GSE1: variants seen among roughly 807,000 people sequenced by gnomAD.
The protein encoded by GSE1 is genetic suppressor element 1.
GSE1 carries 32 observed loss-of-function variants against 112.6 expected under a neutral mutation model. The observed-to-expected ratio is 0.28, with a 90% CI of 0.21 to 0.38. The LOEUF (loss-of-function observed/expected upper bound fraction) is 0.38. GSE1 is among the 10% of genes least tolerant of loss of function. GSE1 has a pLI of 1.00. For missense variants in GSE1, 2,348 were observed against 1,699.2 expected, an observed-to-expected ratio of 1.38 and a Z score of -6.71; for synonymous variants, 1,115 against 735.6, an observed-to-expected ratio of 1.52 and a Z score of -8.35.
At chr16:85,562,790 C>T (rs2045581591) in intron 1 of GSE1, among the ~76,000 whole-genome samples, 2 of 152,226 alleles carry the variant, frequency 1.3e-5, no homozygotes, top group African/African-American at 4.8e-5. Flanking sequence ...CCTGGTCTAC[C>T]CTGGCATTGT....
chr16:85,363,213 C>T (rs1243618642), intron 2 of GSE1, among the ~76,000 whole-genome samples: 2 of 152,206 alleles, frequency 1.3e-5, no homozygotes, highest in Non-Finnish European at 2.9e-5. Context: ...GAAAACCAGG[C>T]CAAGATTGAC....
Position 85,536,888 on chromosome 16 carries a change from A to G in GSE1, c.2465-97026A>G, listed in dbSNP as rs940308797. ...CAGGGGAAGTCTGTAGAAACTCAGG[A>G]CCTGGAATGGAACCGGCGAGGAATG... On this transcript the variant is annotated intron_variant, in intron 2 of 2. Transcript: ENST00000637419. 6.6e-5 allele frequency among the ~76,000 whole-genome samples: 10 copies of G among 152,304 alleles called. 1 individual carries two copies. The highest frequency in any genetic ancestry group is 1.3e-4 in the Admixed American group (2 of 15,306).
At chr16:85,266,273 A>T (rs1908235595) in intron 1 of GSE1, among the ~76,000 whole-genome samples, 1 of 152,112 alleles carries the variant, frequency 6.6e-6, no homozygotes, top group South Asian at 2.1e-4. Flanking sequence ...TCTCTAGGAA[A>T]ACTCTAGCAA....
At chr16:85,459,846 C>T (rs942198068) in intron 2 of GSE1, among the ~76,000 whole-genome samples, 5 of 152,228 alleles carry the variant, frequency 3.3e-5, no homozygotes, top group African/African-American at 9.6e-5. Context: ...TTCACCCCTC[C>T]TTCACAGAGG....
Position 85,627,413 on chromosome 16 carries a change from G to A in GSE1, c.8-6501G>A, listed in dbSNP as rs556680564. ...CAGTTGAGGCTCACATGAAGAAGGG[G>A]TATGTCCCCTGGCCCCTCAGTTTGA... On this transcript the variant is annotated intron_variant, in intron 1 of 15. Transcript: ENST00000253458. Among the ~76,000 whole-genome samples the A allele has an allele frequency of 4.6e-5, 7 of 152,150 alleles. No individual in the cohort carries two copies. The South Asian group carries it at 1.2e-3, about 27-fold the overall frequency.
intron 1 of GSE1, among the ~76,000 whole-genome samples, chr16:85,614,052 T>TCG (rs2048196218): frequency 1.4e-5 from 2 of 140,120 alleles, no homozygotes; most frequent in Non-Finnish European, 3.1e-5. Context: ...CTCCTCTCTC[T>TCG]CCCCCCACCC....
At chr16:85,533,125 CTGTT>C (rs2044190121) in intron 2 of GSE1, among the ~76,000 whole-genome samples, 1 of 152,120 alleles carries the variant, frequency 6.6e-6, no homozygotes, top group African/African-American at 2.4e-5. Context: ...AGAAATTTCT[CTGTT>C]TGGCCGGGCG....
intron 1 of GSE1, among the ~76,000 whole-genome samples, chr16:85,191,639 T>C (rs1389476756): frequency 6.6e-6 from 1 of 152,202 alleles, no homozygotes; most frequent in Non-Finnish European, 1.5e-5. Flanking sequence ...CTGTGCCTCT[T>C]CTGCTCACTT....
At chr16:85,367,552 G>T (rs2047209961) in intron 2 of GSE1, among the ~76,000 whole-genome samples, 1 of 152,240 alleles carries the variant, frequency 6.6e-6, no homozygotes, top group Admixed American at 6.5e-5. Flanking sequence ...AGACCTGAGG[G>T]CGTGGCTTTA....
intron 2 of GSE1, among the ~76,000 whole-genome samples, chr16:85,533,463 T>C (rs1285173060): frequency 1.3e-5 from 2 of 152,080 alleles, no homozygotes; most frequent in Non-Finnish European, 1.5e-5. Context: ...TCTGTTTGCA[T>C]ATGTGTTATA....
chr16:85,391,085 C>T (rs908650743), intron 2 of GSE1, among the ~76,000 whole-genome samples: 2 of 151,016 alleles, frequency 1.3e-5, no homozygotes, highest in African/African-American at 4.9e-5. Context: ...CTCCCAGGCA[C>T]CGCCCCCCCA....
At chr16:85,308,737 C>T (rs910659636) in intron 1 of GSE1, among the ~76,000 whole-genome samples, 1 of 151,832 alleles carries the variant, frequency 6.6e-6, no homozygotes, top group African/African-American at 2.4e-5. Flanking sequence ...TGCAAGACAG[C>T]TGTTTCCTTC....
At chr16:85,603,893 A>C (rs974345367) in intron 1 of GSE1, among the ~76,000 whole-genome samples, 1 of 152,222 alleles carries the variant, frequency 6.6e-6, no homozygotes, top group Admixed American at 6.5e-5. Flanking sequence ...CATTTAGTAC[A>C]TTCCTAATAT....
At chr16:85,470,444 G>T (rs189604209) in intron 2 of GSE1, among the ~76,000 whole-genome samples, 1 of 152,278 alleles carries the variant, frequency 6.6e-6, no homozygotes, top group East Asian at 1.9e-4. Flanking sequence ...TCTCTTTCCC[G>T]AGTGACATGG....
chr16:85,194,790 C>T (rs949264888), intron 1 of GSE1, among the ~76,000 whole-genome samples: 3 of 152,076 alleles, frequency 2.0e-5, no homozygotes, highest in Non-Finnish European at 4.4e-5. Flanking sequence ...CTCCAGGGTG[C>T]GAATCTGAAG....
chr16:85,395,723 G>A (rs563127926), intron 2 of GSE1, among the ~76,000 whole-genome samples: 4 of 152,078 alleles, frequency 2.6e-5, no homozygotes, highest in African/African-American at 7.2e-5. Flanking sequence ...CCCTGCCCAC[G>A]CTCTCTAGGG....
chr16:85,642,071 G>A (rs535790601), intron 2 of GSE1, among the ~76,000 whole-genome samples: 3 of 152,224 alleles, frequency 2.0e-5, no homozygotes, highest in Admixed American at 6.5e-5. Flanking sequence ...AGCTGGCATC[G>A]CCGTTGGTGG....
At chr16:85,352,425 C>G (rs2046869173) in intron 1 of GSE1, among the ~76,000 whole-genome samples, 1 of 152,224 alleles carries the variant, frequency 6.6e-6, no homozygotes, top group Non-Finnish European at 1.5e-5. Flanking sequence ...GAGGCCCAGT[C>G]TGCTTGAGCC....
chr16:85,640,449 C>T (rs1035574525), intron 2 of GSE1, among the ~76,000 whole-genome samples: 4 of 152,224 alleles, frequency 2.6e-5, no homozygotes, highest in African/African-American at 4.8e-5. Context: ...CCCGCGGGGC[C>T]CTGTGCCGCC....
Sources: gnomAD v4.1 joint callset for allele counts (sites outside exome capture counted in the v4.1 genomes callset) on GRCh38, gnomAD v4.1.1 for gene constraint, MANE v1.5 for transcripts, NCBI Gene and HGNC (gene_info 2026-07-23, HGNC 2026-07-21) for gene names.